The following ALPK2 variants were observed in gnomAD, a reference collection of about 807,000 sequenced individuals.
ALPK2 encodes alpha kinase 2.
Under a neutral mutation model 163.1 loss-of-function variants are expected in ALPK2, and 127 were observed. The ratio of observed to expected loss-of-function variants is 0.78; its 90% CI spans 0.67 to 0.90. The LOEUF (loss-of-function observed/expected upper bound fraction) is 0.90. Ranked by LOEUF, ALPK2 falls within the 40% of genes least tolerant of loss-of-function variation. ALPK2 has a pLI of 0.00. For missense variants in ALPK2, 2,360 were observed against 2,589.6 expected (o/e 0.91, Z 1.92); for synonymous variants, 953 against 959.1 (o/e 0.99, Z 0.12).
At chr18:58,618,972 G>C (rs917056378) in intron 1 of ALPK2, among the ~76,000 whole-genome samples, 1 of 152,208 alleles carries the variant, frequency 6.6e-6, no homozygotes, top group South Asian at 2.1e-4. Flanking sequence ...CTACTCAGCG[G>C]GGACAGGAGG....
At chr18:58,486,374 C>T (rs1380293140) in intron 12 of ALPK2, among the ~76,000 whole-genome samples, 1 of 152,188 alleles carries the variant, frequency 6.6e-6, no homozygotes, top group Non-Finnish European at 1.5e-5. Flanking sequence ...TCTCTCCAAC[C>T]TCCTCCCTGC....
chr18:58,581,612 C>T (rs1229982518), intron 3 of ALPK2, among the ~76,000 whole-genome samples: 1 of 152,236 alleles, frequency 6.6e-6, no homozygotes, highest in African/African-American at 2.4e-5. Context: ...TTACTGGGTC[C>T]TTTCCCACTG....
At chr18:58,492,273 C>T (rs879865251) in intron 12 of ALPK2, among the ~76,000 whole-genome samples, 1 of 151,982 alleles carries the variant, frequency 6.6e-6, no homozygotes, top group Non-Finnish European at 1.5e-5. Flanking sequence ...GACACGCACA[C>T]AGACATATAT....
chr18:58,618,580 T>C (rs746767639), intron 1 of ALPK2, among the ~76,000 whole-genome samples: 51 of 152,204 alleles, frequency 3.4e-4, no homozygotes, highest in Non-Finnish European at 4.0e-4. Context: ...TATGTAATGC[T>C]CTTCTGAATA....
chr18:58,566,131 T>C (rs1392562036), intron 4 of ALPK2, among the ~76,000 whole-genome samples: 2 of 152,206 alleles, frequency 1.3e-5, no homozygotes, highest in Non-Finnish European at 2.9e-5. Flanking sequence ...GAAAATCATT[T>C]TGAAAAATTT....
intron 12 of ALPK2, among the ~76,000 whole-genome samples, chr18:58,488,363 C>T (rs897845562): frequency 1.3e-5 from 2 of 150,100 alleles, no homozygotes; most frequent in Admixed American, 6.7e-5. Flanking sequence ...TCTCTCCTCT[C>T]ATCCTAATAA....
At chr18:58,593,431 G>T (rs2052024646) in intron 3 of ALPK2, among the ~76,000 whole-genome samples, 1 of 151,500 alleles carries the variant, frequency 6.6e-6, no homozygotes, top group Non-Finnish European at 1.5e-5. Context: ...GAGCGTTGTG[G>T]CATGCGCCTG....
chr18:58,601,587 G>T (rs1412553403), intron 3 of ALPK2, among the ~76,000 whole-genome samples: 1 of 152,168 alleles, frequency 6.6e-6, no homozygotes, highest in Admixed American at 6.5e-5. Flanking sequence ...GCTGCCCTTA[G>T]ACTGCCCTGT....
intron 12 of ALPK2, among the ~76,000 whole-genome samples, chr18:58,483,370 C>T (rs1385450229): frequency 6.6e-6 from 1 of 152,170 alleles, no homozygotes; most frequent in Non-Finnish European, 1.5e-5. Flanking sequence ...ATTCCTGAAA[C>T]TGCCTGTGAT....
intron 8 of ALPK2, among the ~76,000 whole-genome samples, chr18:58,523,504 T>C (rs1211486766): frequency 6.6e-6 from 1 of 152,218 alleles, no homozygotes; most frequent in Admixed American, 6.5e-5. Flanking sequence ...ACTTCCACAA[T>C]GGTTGAACTA....
chr18:58,516,541 G>A (rs994856002), intron 9 of ALPK2, among the ~76,000 whole-genome samples: 2 of 152,002 alleles, frequency 1.3e-5, no homozygotes, highest in Admixed American at 6.5e-5. Context: ...GATGTTATCT[G>A]TTCCTGGAGA....
intron 4 of ALPK2, among the ~76,000 whole-genome samples, chr18:58,564,573 C>CTTTTTTTTTTTTTTTTTTTTTTTTTT (rs2051841938): frequency 6.9e-6 from 1 of 145,764 alleles, no homozygotes; most frequent in African/African-American, 2.5e-5. Context: ...TTTTTTTTTC[C>CTTTTTTTTTTTTTTTTTTTTTTTTTT]TTTTTGCTTA....
chr18:58,566,926 T>G (rs1432187129), intron 4 of ALPK2, among the ~76,000 whole-genome samples: 2 of 152,162 alleles, frequency 1.3e-5, no homozygotes, highest in Non-Finnish European at 2.9e-5. Context: ...TCTCTCTAGA[T>G]CCATCTAACT....
intron 1 of ALPK2, among the ~76,000 whole-genome samples, chr18:58,618,114 C>T (rs753039898): frequency 1.3e-5 from 2 of 152,150 alleles, no homozygotes; most frequent in Non-Finnish European, 2.9e-5. Context: ...GGCACGATCT[C>T]GGGTCACGGC....
At chr18:58,543,330 G>A (rs571290739) in intron 4 of ALPK2, 15 of 984,018 alleles carry the variant, frequency 1.5e-5, no homozygotes, top group East Asian at 2.3e-4. Context: ...TAAAGAAAAC[G>A]GACTAAGTCA....
chr18:58,590,422 C>G (rs1351593402), intron 3 of ALPK2, among the ~76,000 whole-genome samples: 10 of 152,216 alleles, frequency 6.6e-5, no homozygotes, highest in Admixed American at 3.9e-4. Flanking sequence ...GAAGCTCCCC[C>G]TCCAGTGGCT....
intron 3 of ALPK2, among the ~76,000 whole-genome samples, chr18:58,596,681 G>C (rs773126466): frequency 6.6e-6 from 1 of 152,226 alleles, no homozygotes; most frequent in Non-Finnish European, 1.5e-5. Context: ...CCACCAACAA[G>C]CCACAGTTCA....
chr18:58,579,911 C>T lies in ALPK2; in HGVS notation c.865G>A (p.Ala289Thr), dbSNP rs927043402. 1.2e-6 allele frequency: 2 copies of T among 1,614,186 alleles called. No individual in the cohort carries two copies. The highest frequency in any genetic ancestry group is 1.1e-5 in the South Asian group (1 of 91,084). The change falls in exon 4 of 13, where the codon GCC becomes ACC. Residue 289 changes from alanine to threonine, a missense_variant. Ala to Thr is a moderately conservative substitution (Grantham distance 58). Transcript: ENST00000361673. ...GGGCTGGGTTGTTTGTTGGCCACGG[C>T]ACTGTCACCTGGGTAAATGTGTGCA... is the stretch of plus-strand genomic sequence containing the variant. ...ATAHIYPGDS[A>T]VANKQPSPQL...
chr18:58,517,041 C>T lies in ALPK2; in HGVS notation c.5807G>A (p.Ser1936Asn). Residue 1936 changes from serine (S) to asparagine (N), a missense_variant, in exon 9 of 13, where the codon AGC (serine) becomes AAC (asparagine). By Grantham distance (46) the Ser-to-Asn change is conservative. Transcript: ENST00000361673. Reference sequence around the variant, plus strand: ...AGGCATGAGGCCGTGCATCACTGTGCTGCGGAAGGCTTTGCGGTGAACCCC... The same window carrying T: ...AGGCATGAGGCCGTGCATCACTGTGTTGCGGAAGGCTTTGCGGTGAACCCC... ...GEGVHRKAFRSTVMHGLMPVF... is the reference protein window; with the variant it reads ...GEGVHRKAFRNTVMHGLMPVF... The T allele has an allele frequency of 2.5e-6, 4 of 1,614,252 alleles. No individual in the cohort carries two copies. The highest frequency in any genetic ancestry group is 3.4e-6 in the Non-Finnish European group (4 of 1,180,038).
Sources: gnomAD v4.1 joint callset for allele counts (sites outside exome capture counted in the v4.1 genomes callset) on GRCh38, gnomAD v4.1.1 for gene constraint, MANE v1.5 for transcripts, NCBI Gene and HGNC (gene_info 2026-07-23, HGNC 2026-07-21) for gene names.